LGI2: variants seen among roughly 807,000 people sequenced by gnomAD.
The protein encoded by LGI2 is leucine rich repeat LGI family member 2, also known as leucine-rich repeat LGI family member 2.
In LGI2, 30 loss-of-function variants were observed where a neutral mutation model predicts 52.0. The ratio of observed to expected loss-of-function variants is 0.58; its 90% CI spans 0.43 to 0.78. The LOEUF is 0.78. Ranked by LOEUF, LGI2 falls within the 30% of genes least tolerant of loss-of-function variation. The probability of loss-of-function intolerance (pLI) is 0.00; values close to 1 mark genes in which losing one functional copy is unlikely to be tolerated. For missense variants in LGI2, 573 were observed against 692.5 expected (o/e 0.83, Z 1.94); for synonymous variants, 270 against 271.8 (o/e 0.99, Z 0.06).
intron 7 of LGI2, among the ~76,000 whole-genome samples, chr4:25,011,777 C>A (rs1364821368): frequency 6.6e-6 from 1 of 152,080 alleles, no homozygotes; most frequent in East Asian, 1.9e-4. Context: ...CACTGGGATC[C>A]CATGACGGCA....
In LGI2 at chr4:25,004,530, C is replaced by T. The variant is rs1302394206; in HGVS notation, c.821-262G>A. Among the ~76,000 whole-genome samples the T allele has an allele frequency of 6.6e-6, 1 of 152,180 alleles. No homozygotes were observed. Among genetic ancestry groups the T allele is most frequent in the Non-Finnish European group, 1.5e-5 (1 of 68,028 alleles). On this transcript the variant is annotated intron_variant, in intron 7 of 7. Transcript: ENST00000382114. This position sits in a 1 kb window ranked among gnomAD's most constrained non-coding sequence, Gnocchi z 4.6. ...ATGCTATAGACCAAATGTTTGTGCT[C>T]TCTCCAAATGCATATGATGAAACCT...
chr4:25,008,776 G>A (rs1725474648), intron 7 of LGI2, among the ~76,000 whole-genome samples: 1 of 152,168 alleles, frequency 6.6e-6, no homozygotes, highest in Non-Finnish European at 1.5e-5. Flanking sequence ...AGGCTTGGTG[G>A]TAAAAAGAGG....
chr4:25,003,654 C>T lies in LGI2; in HGVS notation c.1435G>A (p.Ala479Thr). The T allele has an allele frequency of 1.2e-6, 2 of 1,614,182 alleles. No individual in the cohort carries two copies. The highest frequency in any genetic ancestry group is 1.7e-6 in the Non-Finnish European group (2 of 1,180,032). ...GAGAATGTATAGTCACTCCCCAGGGCCAGGTAGTGATTATCTTTAAAAGAA... is the reference window on the plus strand; with the variant it reads ...GAGAATGTATAGTCACTCCCCAGGGTCAGGTAGTGATTATCTTTAAAAGAA... ...PFSFKDNHYL[A>T]LGSDYTFSQI... The change falls in exon 8 of 8, where the codon GCC becomes ACC. Residue 479 changes from alanine (A) to threonine (T), a missense_variant. Ala to Thr is a moderately conservative substitution (Grantham distance 58). Transcript: ENST00000382114.
At chr4:25,029,551 C>A (rs1726258409) in intron 1 of LGI2, among the ~76,000 whole-genome samples, 1 of 152,218 alleles carries the variant, frequency 6.6e-6, no homozygotes, top group African/African-American at 2.4e-5. Flanking sequence ...AGAGAGTGGT[C>A]TTAGCAGGAA....
rs376623513 is a variant in LGI2, at chr4:25,012,451, G to A, written c.704C>T (p.Thr235Met). Reference sequence around the variant, plus strand: ...GTACACATCGTTCTTGGAGTTGAACGTATCCACTGAAACCGACTGGTAGGG... The same window carrying A: ...GTACACATCGTTCTTGGAGTTGAACATATCCACTGAAACCGACTGGTAGGG... Reference protein sequence around the residue: ...TLPYQSVSVDTFNSKNDVYVA... With the variant: ...TLPYQSVSVDMFNSKNDVYVA... The change falls in exon 7 of 8, where the codon ACG (threonine) becomes ATG (methionine). Residue 235 changes from threonine to methionine, a missense_variant. Transcript: ENST00000382114. 14 of 1,614,048 alleles carry A rather than the reference G, an allele frequency of 8.7e-6. No homozygotes were observed. The highest frequency in any genetic ancestry group is 6.7e-5 in the African/African-American group (5 of 74,920).
intron 4 of LGI2, among the ~76,000 whole-genome samples, chr4:25,022,506 G>A (rs185389839): frequency 2.6e-5 from 4 of 152,236 alleles, no homozygotes; most frequent in East Asian, 3.9e-4. Flanking sequence ...CTTCTCTAAC[G>A]CATTCCATGC....
chr4:24,992,753 A>G, the LGI2 span, among the ~76,000 whole-genome samples: 1 of 151,718 alleles, frequency 6.6e-6, no homozygotes, highest in South Asian at 2.1e-4. Flanking sequence ...TTCTCATATG[A>G]CCCACGCAGC....
chr4:24,999,367 A>C lies in LGI2; in HGVS notation c.*4084T>G, dbSNP rs978878965. On this transcript the variant is annotated 3_prime_UTR_variant, in exon 8 of 8. Transcript: ENST00000382114. ...CATCATCCTTTTTTCCTTTTCTTTC[A>C]GTTTGTTTTTACTTTCCCAAGTTTC... The C allele has an allele frequency of 1.3e-5, 2 of 152,304 alleles. No homozygotes were observed. The highest frequency in any genetic ancestry group is 6.5e-5 in the Admixed American group (1 of 15,274). 9.4% of individuals were successfully genotyped at this position (152,304 alleles called of 1,614,324 possible). A position where few individuals can be genotyped will look rare whatever the true frequency, so the allele number is the denominator to read the frequency against.
intron 7 of LGI2, among the ~76,000 whole-genome samples, chr4:25,011,857 T>A (rs1456758952): frequency 6.6e-6 from 1 of 152,202 alleles, no homozygotes; most frequent in Admixed American, 6.5e-5. Context: ...TTATTTCGTA[T>A]GTACTTACTA....
At position 25,017,907 on chromosome 4, in the gene LGI2, C is replaced by T. The variant is rs946308666; in HGVS notation, c.655+82G>A. 23 of 1,214,284 alleles carry T rather than the reference C, an allele frequency of 1.9e-5. No homozygotes were observed. In the South Asian group the frequency reaches 5.1e-4, roughly 27 times the overall value. 75.2% of individuals were successfully genotyped at this position (1,214,284 alleles called of 1,614,324 possible). On this transcript the variant is annotated intron_variant, in intron 6 of 7. Transcript: ENST00000382114. ...GATAAACAGTTCTATATTCACTTTT[C>T]CCCAGTCTCTGTTGACAGTGTAAAA... is the stretch of plus-strand genomic sequence containing the variant.
intron 3 of LGI2, 77 bp from the exon 4 acceptor site, chr4:25,024,968 A>G (rs1034732154): frequency 2.4e-5 from 23 of 964,496 alleles, no homozygotes; most frequent in Non-Finnish European, 3.4e-5. Context: ...GTAAGCTTTC[A>G]GAATAAAATC....
intron 7 of LGI2, among the ~76,000 whole-genome samples, chr4:25,006,708 C>T (rs372614986): frequency 7.9e-5 from 12 of 152,298 alleles, no homozygotes; most frequent in African/African-American, 2.4e-4. Flanking sequence ...CTTATTTAAT[C>T]GTTATAACAA....
At chr4:25,016,343 T>A (rs1277706298) in intron 6 of LGI2, among the ~76,000 whole-genome samples, 1 of 152,276 alleles carries the variant, frequency 6.6e-6, no homozygotes, top group African/African-American at 2.4e-5. Context: ...TCGAGACCTC[T>A]GCAGAGAAAA....
At chr4:25,010,066 G>A (rs1560289164) in intron 7 of LGI2, among the ~76,000 whole-genome samples, 1 of 152,086 alleles carries the variant, frequency 6.6e-6, no homozygotes, top group Non-Finnish European at 1.5e-5. Flanking sequence ...TATATCAGAA[G>A]GGCAGGAGTT....
the LGI2 span, among the ~76,000 whole-genome samples, chr4:24,993,717 C>T: frequency 6.6e-6 from 1 of 152,108 alleles, no homozygotes; most frequent in South Asian, 2.1e-4. Context: ...TTTTTCCATC[C>T]TCTGGGCCAG....
chr4:25,028,488 G>C lies in LGI2; in HGVS notation c.269+19C>G. On this transcript the variant is annotated intron_variant, in intron 2 of 7. Transcript: ENST00000382114. ...ACCTCAGGGCCCCCCATTGTGCAGA[G>C]GGAACTTCCCATACTCACAGCAGCT... 1 of 1,610,872 alleles carries C rather than the reference G, an allele frequency of 6.2e-7. No homozygotes were observed. Among genetic ancestry groups the C allele is most frequent in the Non-Finnish European group, 8.5e-7 (1 of 1,178,674 alleles).
intron 7 of LGI2, among the ~76,000 whole-genome samples, chr4:25,006,972 A>C (rs1228374105): frequency 6.6e-6 from 1 of 152,200 alleles, no homozygotes; most frequent in Non-Finnish European, 1.5e-5. Context: ...TATATTATTT[A>C]ATTTTTAATC....
chr4:25,012,293 G>A (rs1332914487), intron 7 of LGI2, 42 bp downstream of exon 7: 3 of 1,608,610 alleles, frequency 1.9e-6, no homozygotes, highest in South Asian at 2.2e-5. Context: ...TTGCCGCAAT[G>A]CTGAAATTAG....
intron 7 of LGI2, among the ~76,000 whole-genome samples, chr4:25,012,099 C>G (rs531419412): frequency 6.6e-6 from 1 of 152,240 alleles, no homozygotes; most frequent in Admixed American, 6.5e-5. Flanking sequence ...CACATGCAAC[C>G]CGTAAATGAT....
Sources: allele counts gnomAD v4.1 joint callset (sites outside exome capture counted in the v4.1 genomes callset), GRCh38; gene constraint gnomAD v4.1.1; non-coding constraint Gnocchi (gnomAD v3.1); transcripts MANE v1.5; gene names NCBI Gene and HGNC (gene_info 2026-07-23, HGNC 2026-07-21).